The following HP1BP3 variants were observed in gnomAD, a reference collection of about 807,000 sequenced individuals.
HP1BP3 encodes the protein heterochromatin protein 1-binding protein 3.
Under a neutral mutation model 62.5 loss-of-function variants are expected in HP1BP3, and 12 were observed. That is an observed-to-expected ratio of 0.19 (90% CI 0.12 to 0.31). HP1BP3 has a LOEUF of 0.31. Ranked by LOEUF, HP1BP3 falls within the 10% of genes least tolerant of loss-of-function variation. The probability of loss-of-function intolerance (pLI) is 1.00; values close to 1 mark genes in which losing one functional copy is unlikely to be tolerated. For missense variants in HP1BP3, 502 were observed against 651.8 expected, an observed-to-expected ratio of 0.77 and a Z score of 2.50; for synonymous variants, 260 against 237.8, an observed-to-expected ratio of 1.09 and a Z score of -0.86.
At chr1:20,771,224 C>T (rs1286560934) in intron 5 of HP1BP3, 151 bp from the exon 6 acceptor site, 3 of 618,842 alleles carry the variant, frequency 4.8e-6, no homozygotes. Flanking sequence ...TTCATAATGA[C>T]TACAGAGAAG....
At chr1:20,753,879 G>C (rs1431584902) in intron 9 of HP1BP3, among the ~76,000 whole-genome samples, 1 of 152,148 alleles carries the variant, frequency 6.6e-6, no homozygotes. Context: ...TGCTCAACCT[G>C]ACAATAGGCA....
At chr1:20,770,320 T>C (rs1183935023) in intron 6 of HP1BP3, among the ~76,000 whole-genome samples, 4 of 152,164 alleles carry the variant, frequency 2.6e-5, no homozygotes, top group African/African-American at 9.7e-5. Context: ...AATTATTATT[T>C]CTGTTATTCC....
At chr1:20,759,732 G>A (rs2056348364) in intron 8 of HP1BP3, among the ~76,000 whole-genome samples, 1 of 152,122 alleles carries the variant, frequency 6.6e-6, no homozygotes, top group South Asian at 2.1e-4. Context: ...GGAAGTAAAG[G>A]AACTGGCAAA....
rs538473841 is a variant in HP1BP3, at chr1:20,765,069, G to T, written c.890+308C>A. 1.1e-4 allele frequency among the ~76,000 whole-genome samples: 17 copies of T among 148,374 alleles called. No homozygotes were observed. The South Asian group carries it at 3.4e-3, about 30-fold the overall frequency. On this transcript the variant is annotated intron_variant, in intron 8 of 12. Transcript: ENST00000438032. ...CTGTAGGCGCAGCTACCCGGGAGGC[G>T]GAGGCAGGAGAATCCTTTGAACCCG...
chr1:20,749,811 A>G lies in HP1BP3; in HGVS notation c.1053T>C (p.Ala351=). The change falls in exon 10 of 13, where the codon GCT becomes GCC. Residue 351 remains alanine, a synonymous_variant. Transcript: ENST00000438032. ...LMEYAILSAI[A]AMNEPKTCST... The stretch of plus-strand genomic sequence containing the variant: ...AGCAGGTCTTCGGCTCATTCATGGC[A>G]GCAATGGCAGACAAGATTGCATATT... 1 of 1,614,148 alleles carries G rather than the reference A, an allele frequency of 6.2e-7. No homozygotes were observed. Among genetic ancestry groups the G allele is most frequent in the Non-Finnish European group, 8.5e-7 (1 of 1,180,016 alleles).
At chr1:20,783,769 C>CAAAAAAAAAAA (rs1164930528) in intron 1 of HP1BP3, among the ~76,000 whole-genome samples, 1 of 53,136 alleles carries the variant, frequency 1.9e-5, no homozygotes, top group Non-Finnish European at 3.2e-5. Context: ...GACTCTGTCT[C>CAAAAAAAAAAA]AAAAAAAAAA....
At chr1:20,745,452 T>G in intron 12 of HP1BP3, 91 bp downstream of exon 12, 7 of 1,426,662 alleles carry the variant, frequency 4.9e-6, no homozygotes, top group Non-Finnish European at 6.5e-6. Flanking sequence ...GTTTCTGAAA[T>G]GCTTTTTAGC....
chr1:20,757,283 G>C, intron 8 of HP1BP3, 27 bp from the exon 9 acceptor site: 1 of 1,408,728 alleles, frequency 7.1e-7, no homozygotes, highest in Non-Finnish European at 9.9e-7. Flanking sequence ...AAAAAAAATA[G>C]TGATAAATAC....
At chr1:20,758,645 CTTT>C (rs1001723047) in intron 8 of HP1BP3, among the ~76,000 whole-genome samples, 79 of 133,050 alleles carry the variant, frequency 5.9e-4, no homozygotes, top group Non-Finnish European at 1.0e-3. Flanking sequence ...CACACCTGGC[CTTT>C]TTTTTTTTTT....
In HP1BP3 at chr1:20,767,664, C is replaced by T; in HGVS notation, c.655G>A (p.Val219Ile). 2 of 1,589,056 alleles carry T rather than the reference C, an allele frequency of 1.3e-6. No homozygotes were observed. Among genetic ancestry groups the T allele is most frequent in the Non-Finnish European group, 1.7e-6 (2 of 1,164,742 alleles). The change falls in exon 7 of 13, where the codon GTT becomes ATT. Residue 219 changes from valine to isoleucine, a missense_variant and splice_region_variant. By Grantham distance (29) the Val-to-Ile change is conservative. Around this residue, in one of 5 missense-constraint regions of HP1BP3, gnomAD observed 111 missense variants for 242.0 expected, o/e 0.46. Coordinates refer to ENST00000438032, the MANE Select transcript of HP1BP3 (RefSeq NM_001372052.1). ...CTTCCAGAAGCACCTTTTCCTTTAACCTAAAGTAAATTAATTTTTGTTATT... is the reference window on the plus strand; with the variant it reads ...CTTCCAGAAGCACCTTTTCCTTTAATCTAAAGTAAATTAATTTTTGTTATT... Reference protein sequence around the residue: ...RELNRGVIKQVKGKGASGSFV... With the variant: ...RELNRGVIKQIKGKGASGSFV...
chr1:20,784,897 A>C (rs2057752075), intron 1 of HP1BP3, among the ~76,000 whole-genome samples: 1 of 152,200 alleles, frequency 6.6e-6, no homozygotes, highest in African/African-American at 2.4e-5. Context: ...CAACAATAAC[A>C]AATATTTGCT....
chr1:20,753,817 C>G (rs958634114), intron 9 of HP1BP3, among the ~76,000 whole-genome samples: 1 of 152,152 alleles, frequency 6.6e-6, no homozygotes, highest in African/African-American at 2.4e-5. Context: ...AATCCAATAG[C>G]CATTCATGAT....
At chr1:20,752,333 T>C (rs1156735146) in intron 9 of HP1BP3, among the ~76,000 whole-genome samples, 2 of 151,846 alleles carry the variant, frequency 1.3e-5, no homozygotes, top group East Asian at 3.9e-4. Flanking sequence ...TTCGCTGTGT[T>C]GCCCAGGCTG....
chr1:20,756,708 ATTTC>A (rs1051790689), intron 9 of HP1BP3, among the ~76,000 whole-genome samples: 48 of 152,170 alleles, frequency 3.2e-4, no homozygotes, highest in Middle Eastern at 6.8e-3. Context: ...CTCAGTGTTA[ATTTC>A]TTTGTGTTTT....
At position 20,740,508 on chromosome 1, in the gene HP1BP3, G is replaced by A. The variant is rs12123092; in HGVS notation, c.*4289C>T. On this transcript the variant is annotated 3_prime_UTR_variant, in exon 13 of 13. Coordinates refer to ENST00000438032, the MANE Select transcript of HP1BP3 (RefSeq NM_001372052.1). ...AGGAAAAAAGCCACTGAAGTTAACAGTCTTGTGGAAAAGAACAGAAGAAAG... is the reference window on the plus strand; with the variant it reads ...AGGAAAAAAGCCACTGAAGTTAACAATCTTGTGGAAAAGAACAGAAGAAAG... Among the ~76,000 whole-genome samples, 67,297 of 152,090 alleles carry A rather than the reference G, an allele frequency of 0.44. 15,234 individuals carry two copies. The highest frequency in any genetic ancestry group is 0.46 in the Non-Finnish European group (31,170 of 67,980).
chr1:20,747,944 TG>T (rs1387390480), intron 10 of HP1BP3, among the ~76,000 whole-genome samples: 1 of 152,214 alleles, frequency 6.6e-6, no homozygotes, highest in African/African-American at 2.4e-5. Context: ...CTCAAACTCC[TG>T]GGCTCAAGCA....
In HP1BP3 at chr1:20,772,426, G is replaced by A. The variant is rs2057101035; in HGVS notation, c.510+1025C>T. 2.6e-5 allele frequency among the ~76,000 whole-genome samples: 4 copies of A among 152,218 alleles called. No individual in the cohort carries two copies. The South Asian group carries it at 8.3e-4, about 31-fold the overall frequency. On this transcript the variant is annotated intron_variant, in intron 5 of 12. Coordinates refer to ENST00000438032, the MANE Select transcript of HP1BP3 (RefSeq NM_001372052.1). Reference sequence around the variant, plus strand: ...AACCCAGGCTGAGTGGTCATCAAGTGAAATCCTTGAAGAAAGGCTATACAA... The same window carrying A: ...AACCCAGGCTGAGTGGTCATCAAGTAAAATCCTTGAAGAAAGGCTATACAA...
intron 10 of HP1BP3, among the ~76,000 whole-genome samples, 153 bp from the exon 11 acceptor site, chr1:20,747,808 A>G (rs1198490255): frequency 2.0e-5 from 3 of 152,254 alleles, no homozygotes; most frequent in Non-Finnish European, 2.9e-5. Context: ...GTATTTAATT[A>G]AACATTTACT....
rs1471844382 is a variant in HP1BP3 at position 20,771,051 on chromosome 1, G to A, written c.533C>T (p.Ala178Val). The A allele has an allele frequency of 2.5e-6, 4 of 1,606,898 alleles. No homozygotes were observed. Among genetic ancestry groups the A allele is most frequent in the Non-Finnish European group, 3.4e-6 (4 of 1,177,642 alleles). The change falls in exon 6 of 13, where the codon GCA (alanine) becomes GTA (valine). Residue 178 changes from alanine (A) to valine (V), a missense_variant. Ala to Val is a moderately conservative substitution (Grantham distance 64). Around this residue, in one of 5 missense-constraint regions of HP1BP3, gnomAD observed 111 missense variants for 242.0 expected, o/e 0.46. Transcript: ENST00000438032. The stretch of plus-strand genomic sequence containing the variant: ...GTATTTTCGAATAGCAACCACTGAT[G>A]CACCACTCTTCTGGAAGCATGCCTA... ...AIKACFQKSG[A>V]SVVAIRKYII...
Sources: allele counts gnomAD v4.1 joint callset (sites outside exome capture counted in the v4.1 genomes callset), GRCh38; gene constraint gnomAD v4.1.1; regional missense constraint gnomAD v4.1.1; transcripts MANE v1.5; gene names NCBI Gene and HGNC (gene_info 2026-07-23, HGNC 2026-07-21).